GPR52: variants seen among roughly 807,000 people sequenced by gnomAD.
GPR52 encodes the protein G protein-coupled receptor 52.
GPR52 carries 8 observed loss-of-function variants against 24.0 expected under a neutral mutation model. The observed-to-expected ratio is 0.33, with a 90% CI of 0.20 to 0.60. The LOEUF (loss-of-function observed/expected upper bound fraction) is 0.60. GPR52 is among the 20% of genes least tolerant of loss of function. The probability of loss-of-function intolerance (pLI) is 0.82; values close to 1 mark genes in which losing one functional copy is unlikely to be tolerated. For synonymous variants in GPR52, 144 were observed against 158.1 expected (o/e 0.91, Z 0.67); for missense variants, 412 against 447.7 (o/e 0.92, Z 0.72).
Position 174,448,776 on chromosome 1 carries a change from C to T in GPR52, c.665C>T (p.Thr222Ile), listed in dbSNP as rs1209525011. ...YAPAAFVVCF[T>I]YFHIFKICRQ... Reference sequence around the variant, plus strand: ...CCTGCTGCCTTTGTTGTCTGCTTCACTTACTTCCACATTTTCAAAATTTGC... The same window carrying T: ...CCTGCTGCCTTTGTTGTCTGCTTCATTTACTTCCACATTTTCAAAATTTGC... Residue 222 changes from threonine (T) to isoleucine (I), a missense_variant, in exon 1 of 1, where the codon ACT (threonine) becomes ATT (isoleucine). Coordinates refer to ENST00000367685, the MANE Select transcript of GPR52 (RefSeq NM_005684.5). The surrounding 1 kb of genome is among the most constrained non-coding windows in gnomAD (Gnocchi z 4.2). 1 of 1,613,874 alleles carries T rather than the reference C, an allele frequency of 6.2e-7. No individual in the cohort carries two copies. The highest frequency in any genetic ancestry group is 8.5e-7 in the Non-Finnish European group (1 of 1,179,800).
Position 174,448,975 on chromosome 1 carries a change from A to G in GPR52, c.864A>G (p.Glu288=), listed in dbSNP as rs374756893. Residue 288 remains glutamate (E), a synonymous_variant, in exon 1 of 1, where the codon GAA becomes GAG. Transcript: ENST00000367685. This position sits in a 1 kb window ranked among gnomAD's most constrained non-coding sequence, Gnocchi z 4.2. The part of the protein sequence containing the change: ...WLPYIIYFLL[E]SSRVLDNPTL... ...CCTATATAATTTACTTTCTTCTAGA[A>G]AGCTCCCGGGTCTTGGACAATCCAA... The G allele has an allele frequency of 1.5e-5, 25 of 1,613,918 alleles. No homozygotes were observed. The African/African-American group carries it at 2.8e-4, about 18-fold the overall frequency.
Position 174,448,811 on chromosome 1 carries a change from A to G in GPR52, c.700A>G (p.Thr234Ala), listed in dbSNP as rs1359867167. The change falls in exon 1 of 1, where the codon ACC becomes GCC. Residue 234 changes from threonine (T) to alanine (A), a missense_variant. Coordinates refer to ENST00000367685, the MANE Select transcript of GPR52 (RefSeq NM_005684.5). This position sits in a 1 kb window ranked among gnomAD's most constrained non-coding sequence, Gnocchi z 4.2. ...FHIFKICRQH[T>A]KEINDRRARF... ...CATTTTCAAAATTTGCCGTCAGCAC[A>G]CCAAAGAGATAAATGACCGAAGAGC... The G allele has an allele frequency of 6.2e-7, 1 of 1,614,124 alleles. No homozygotes were observed. Among genetic ancestry groups the G allele is most frequent in the East Asian group, 2.2e-5 (1 of 44,878 alleles).
At position 174,448,492 on chromosome 1, in the gene GPR52, T is replaced by C; in HGVS notation, c.381T>C (p.Val127=). The C allele has an allele frequency of 3.7e-6, 6 of 1,613,838 alleles. No homozygotes were observed. Among genetic ancestry groups the C allele is most frequent in the Non-Finnish European group, 5.1e-6 (6 of 1,179,720 alleles). ...FGYIISVLKS[V]SMACLACISV... ...ATATCATCTCAGTTCTAAAAAGTGTTTCTATGGCATGTCTTGCTTGCATCA... is the reference window on the plus strand; with the variant it reads ...ATATCATCTCAGTTCTAAAAAGTGTCTCTATGGCATGTCTTGCTTGCATCA... Residue 127 remains valine (V), a synonymous_variant, in exon 1 of 1, where the codon GTT becomes GTC. Transcript: ENST00000367685. The surrounding 1 kb of genome is among the most constrained non-coding windows in gnomAD (Gnocchi z 4.2).
At position 174,449,114 on chromosome 1, in the gene GPR52, ATGTGCACATCC is replaced by A. The variant is rs749252222; in HGVS notation, c.1007_1017del (p.Cys336TyrfsTer14). 1.2e-6 allele frequency: 2 copies of A among 1,613,866 alleles called. No individual in the cohort carries two copies. Among genetic ancestry groups the A allele is most frequent in the African/African-American group, 2.7e-5 (2 of 75,034 alleles). On this transcript the variant is annotated frameshift_variant, in exon 1 of 1. Transcript: ENST00000367685. LOFTEE classifies it high-confidence loss of function. ...AGGCCTCCGAAGACTGTCTGAGACA[ATGTGCACATCC>A]TGTATGTGTGTGAAGGATCAGGAAG...
Position 174,448,188 on chromosome 1 carries a change from C to G in GPR52, c.77C>G (p.Ser26Cys). The G allele has an allele frequency of 6.2e-7, 1 of 1,613,800 alleles. No homozygotes were observed. Among genetic ancestry groups the G allele is most frequent in the African/African-American group, 1.3e-5 (1 of 75,020 alleles). ...SGIVNVSERH[S>C]CPLGFGHYSV... is the part of the protein sequence containing the mutation. ...ATTGTGAATGTGTCCGAGCGTCACT[C>G]CTGCCCACTTGGATTTGGCCACTAC... The change falls in exon 1 of 1, where the codon TCC (serine) becomes TGC (cysteine). Residue 26 changes from serine to cysteine, a missense_variant. By Grantham distance (112) the Ser-to-Cys change is moderately radical. Transcript: ENST00000367685. This position sits in a 1 kb window ranked among gnomAD's most constrained non-coding sequence, Gnocchi z 4.2.
chr1:174,448,556 T>A lies in GPR52; in HGVS notation c.445T>A (p.Tyr149Asn), dbSNP rs142536057. 2 of 1,613,450 alleles carry A rather than the reference T, an allele frequency of 1.2e-6. No individual in the cohort carries two copies. Among genetic ancestry groups the A allele is most frequent in the Admixed American group, 3.3e-5 (2 of 60,012 alleles). Residue 149 changes from tyrosine to asparagine, a missense_variant, in exon 1 of 1, where the codon TAC (tyrosine) becomes AAC (asparagine). Tyr to Asn is a moderately radical substitution (Grantham distance 143). Transcript: ENST00000367685. The surrounding 1 kb of genome is among the most constrained non-coding windows in gnomAD (Gnocchi z 4.2). ...RYLAITKPLS[Y>N]NQLVTPCRLR... is the part of the protein sequence containing the mutation. Reference sequence around the variant, plus strand: ...TCTTGCAATAACCAAGCCTCTTTCCTACAATCAACTGGTCACCCCTTGTCG... The same window carrying A: ...TCTTGCAATAACCAAGCCTCTTTCCAACAATCAACTGGTCACCCCTTGTCG...
In GPR52 at chr1:174,448,985, G is replaced by A. The variant is rs923764378; in HGVS notation, c.874G>A (p.Val292Ile). ...TTACTTTCTTCTAGAAAGCTCCCGG[G>A]TCTTGGACAATCCAACTCTGTCCTT... is the stretch of plus-strand genomic sequence containing the variant. ...IIYFLLESSRVLDNPTLSFLT... is the reference protein window; with the variant it reads ...IIYFLLESSRILDNPTLSFLT... Residue 292 changes from valine to isoleucine, a missense_variant, in exon 1 of 1, where the codon GTC (valine) becomes ATC (isoleucine). Val to Ile is a conservative substitution (Grantham distance 29). Transcript: ENST00000367685. This position sits in a 1 kb window ranked among gnomAD's most constrained non-coding sequence, Gnocchi z 4.2. 7 of 1,613,500 alleles carry A rather than the reference G, an allele frequency of 4.3e-6. No homozygotes were observed. The highest frequency in any genetic ancestry group is 5.1e-6 in the Non-Finnish European group (6 of 1,179,586).
chr1:174,449,174 C>A lies in GPR52; in HGVS notation c.1063C>A (p.Arg355=), dbSNP rs148373977. The A allele has an allele frequency of 1.2e-6, 2 of 1,601,774 alleles. No homozygotes were observed. Among genetic ancestry groups the A allele is most frequent in the Non-Finnish European group, 1.7e-6 (2 of 1,175,544 alleles). ...QEAQEPKPRK[R]ANSCSI ...AGCACAAGAACCCAAACCTAGGAAA[C>A]GGGCTAATTCTTGCTCCATTTGAAG... is the stretch of plus-strand genomic sequence containing the variant. The change falls in exon 1 of 1, where the codon CGG becomes AGG. Residue 355 remains arginine (R), a synonymous_variant. Coordinates refer to ENST00000367685, the MANE Select transcript of GPR52 (RefSeq NM_005684.5).
rs745625722 is a variant in GPR52, at chr1:174,449,221, TGTA to T, written c.*25_*27del. The T allele has an allele frequency of 2.0e-6, 3 of 1,527,446 alleles. No homozygotes were observed. The East Asian group carries it at 6.8e-5, about 35-fold the overall frequency. The allele number at this position is 1,527,446 out of a possible 1,614,324, so 94.6% of individuals were successfully genotyped here. A position where few individuals can be genotyped will look rare whatever the true frequency, so the allele number is the denominator to read the frequency against. ...GAAGAGAGCTACATAGTAAATCAAA[TGTA>T]ATCTGACAGTGGTTTTGGATCATAT... is the stretch of plus-strand genomic sequence containing the variant. On this transcript the variant is annotated 3_prime_UTR_variant, in exon 1 of 1. Transcript: ENST00000367685.
chr1:174,448,905 T>C lies in GPR52; in HGVS notation c.794T>C (p.Met265Thr). 3 of 1,613,756 alleles carry C rather than the reference T, an allele frequency of 1.9e-6. No homozygotes were observed. The highest frequency in any genetic ancestry group is 2.5e-6 in the Non-Finnish European group (3 of 1,179,618). The change falls in exon 1 of 1, where the codon ATG becomes ACG. Residue 265 changes from methionine (M) to threonine (T), a missense_variant. Physicochemically the swap from Met to Thr is moderately conservative, Grantham distance 81 (BLOSUM62 -1). Coordinates refer to ENST00000367685, the MANE Select transcript of GPR52 (RefSeq NM_005684.5). This position sits in a 1 kb window ranked among gnomAD's most constrained non-coding sequence, Gnocchi z 4.2. ...CACAGCCCTGACCGTCGCTACGCCA[T>C]GGTTTTGTTTAGGATAACCAGTGTA... Reference protein sequence around the residue: ...TGHSPDRRYAMVLFRITSVFY... With the variant: ...TGHSPDRRYATVLFRITSVFY...
Position 174,448,437 on chromosome 1 carries a change from A to G in GPR52, c.326A>G (p.His109Arg). 1 of 1,613,642 alleles carries G rather than the reference A, an allele frequency of 6.2e-7. No homozygotes were observed. Among genetic ancestry groups the G allele is most frequent in the Non-Finnish European group, 8.5e-7 (1 of 1,179,562 alleles). The change falls in exon 1 of 1, where the codon CAC becomes CGC. Residue 109 changes from histidine to arginine, a missense_variant. By Grantham distance (29) the His-to-Arg change is conservative. Transcript: ENST00000367685. This position sits in a 1 kb window ranked among gnomAD's most constrained non-coding sequence, Gnocchi z 4.2. Reference sequence around the variant, plus strand: ...CTTCTCCACTACTCCACAGGTGTCCACGAGTCATTGACTTGCCAGGTTTTT... The same window carrying G: ...CTTCTCCACTACTCCACAGGTGTCCGCGAGTCATTGACTTGCCAGGTTTTT... ...LSLLHYSTGVHESLTCQVFGY... is the reference protein window; with the variant it reads ...LSLLHYSTGVRESLTCQVFGY...
In GPR52 at chr1:174,448,622, C is replaced by G. The variant is rs1399977412; in HGVS notation, c.511C>G (p.Leu171Val). 1.2e-6 allele frequency: 2 copies of G among 1,613,908 alleles called. No individual in the cohort carries two copies. Among genetic ancestry groups the G allele is most frequent in the East Asian group, 2.2e-5 (1 of 44,876 alleles). ...CIILIWIYSC[L>V]IFLPSFFGWG... ...TATTTTGATCTGGATCTACTCCTGC[C>G]TAATTTTCTTGCCTTCCTTTTTTGG... The change falls in exon 1 of 1, where the codon CTA becomes GTA. Residue 171 changes from leucine (L) to valine (V), a missense_variant. Coordinates refer to ENST00000367685, the MANE Select transcript of GPR52 (RefSeq NM_005684.5). The surrounding 1 kb of genome is among the most constrained non-coding windows in gnomAD (Gnocchi z 4.2).
rs1396453131 is a variant in GPR52, at chr1:174,448,844, C to T, written c.733C>T (p.Pro245Ser). The change falls in exon 1 of 1, where the codon CCT (proline) becomes TCT (serine). Residue 245 changes from proline (P) to serine (S), a missense_variant. Coordinates refer to ENST00000367685, the MANE Select transcript of GPR52 (RefSeq NM_005684.5). This position sits in a 1 kb window ranked among gnomAD's most constrained non-coding sequence, Gnocchi z 4.2. ...KEINDRRARF[P>S]SHEVDSSRET... ...GATAAATGACCGAAGAGCCCGATTC[C>T]CTAGTCATGAGGTAGATTCTTCCAG... 2.5e-6 allele frequency: 4 copies of T among 1,613,994 alleles called. No individual in the cohort carries two copies. The highest frequency in any genetic ancestry group is 2.7e-5 in the African/African-American group (2 of 74,924).
Position 174,448,225 on chromosome 1 carries a change from T to C in GPR52, c.114T>C (p.Asp38=), listed in dbSNP as rs1398742867. The part of the protein sequence containing the change: ...PLGFGHYSVV[D]VCIFETVVIV... ...GATTTGGCCACTACAGTGTGGTGGA[T>C]GTCTGCATCTTCGAGACAGTGGTTA... The change falls in exon 1 of 1, where the codon GAT becomes GAC. Residue 38 remains aspartate (D), a synonymous_variant. Coordinates refer to ENST00000367685, the MANE Select transcript of GPR52 (RefSeq NM_005684.5). The surrounding 1 kb of genome is among the most constrained non-coding windows in gnomAD (Gnocchi z 4.2). 6.2e-7 allele frequency: 1 copy of C among 1,614,100 alleles called. No homozygotes were observed. Among genetic ancestry groups the C allele is most frequent in the Non-Finnish European group, 8.5e-7 (1 of 1,179,960 alleles).
Position 174,448,574 on chromosome 1 carries a change from C to G in GPR52, c.463C>G (p.Pro155Ala). The change falls in exon 1 of 1, where the codon CCT (proline) becomes GCT (alanine). Residue 155 changes from proline to alanine, a missense_variant. Physicochemically the swap from Pro to Ala is conservative, Grantham distance 27. Transcript: ENST00000367685. The surrounding 1 kb of genome is among the most constrained non-coding windows in gnomAD (Gnocchi z 4.2). ...KPLSYNQLVT[P>A]CRLRICIILI... ...TCTTTCCTACAATCAACTGGTCACC[C>G]CTTGTCGCTTGAGAATTTGCATTAT... The G allele has an allele frequency of 2.5e-6, 4 of 1,613,826 alleles. No individual in the cohort carries two copies. Among genetic ancestry groups the G allele is most frequent in the Non-Finnish European group, 3.4e-6 (4 of 1,179,764 alleles).
In GPR52 at chr1:174,448,598, A is replaced by T. The variant is rs757604598; in HGVS notation, c.487A>T (p.Ile163Phe). 1 of 1,613,952 alleles carries T rather than the reference A, an allele frequency of 6.2e-7. No homozygotes were observed. The highest frequency in any genetic ancestry group is 1.1e-5 in the South Asian group (1 of 91,068). The change falls in exon 1 of 1, where the codon ATT (isoleucine) becomes TTT (phenylalanine). Residue 163 changes from isoleucine to phenylalanine, a missense_variant. Transcript: ENST00000367685. This position sits in a 1 kb window ranked among gnomAD's most constrained non-coding sequence, Gnocchi z 4.2. Reference sequence around the variant, plus strand: ...CCCTTGTCGCTTGAGAATTTGCATTATTTTGATCTGGATCTACTCCTGCCT... The same window carrying T: ...CCCTTGTCGCTTGAGAATTTGCATTTTTTTGATCTGGATCTACTCCTGCCT... The part of the protein sequence containing the change: ...VTPCRLRICI[I>F]LIWIYSCLIF...
chr1:174,448,759 C>A lies in GPR52; in HGVS notation c.648C>A (p.Ala216=). The A allele has an allele frequency of 6.2e-7, 1 of 1,613,864 alleles. No homozygotes were observed. Among genetic ancestry groups the A allele is most frequent in the South Asian group, 1.1e-5 (1 of 91,084 alleles). ...TTTGTTTACTTTATGCTCCTGCTGC[C>A]TTTGTTGTCTGCTTCACTTACTTCC... The part of the protein sequence containing the change: ...FIVCLLYAPA[A]FVVCFTYFHI... Residue 216 remains alanine (A), a synonymous_variant, in exon 1 of 1, where the codon GCC becomes GCA. Transcript: ENST00000367685. This position sits in a 1 kb window ranked among gnomAD's most constrained non-coding sequence, Gnocchi z 4.2.
In GPR52 at chr1:174,448,031, C is replaced by G. The variant is rs1031403553; in HGVS notation, c.-81C>G. 2 of 1,184,048 alleles carry G rather than the reference C, an allele frequency of 1.7e-6. No individual in the cohort carries two copies. The highest frequency in any genetic ancestry group is 3.0e-5 in the African/African-American group (2 of 65,594). 73.3% of individuals were successfully genotyped at this position (1,184,048 alleles called of 1,614,324 possible). ...CTACTGAAGCAGGTTCTGAAACACT[C>G]ATGTGCGGTGTTTAACAGATGCTGG... On this transcript the variant is annotated 5_prime_UTR_variant, in exon 1 of 1. Coordinates refer to ENST00000367685, the MANE Select transcript of GPR52 (RefSeq NM_005684.5). The surrounding 1 kb of genome is among the most constrained non-coding windows in gnomAD (Gnocchi z 4.2).
Position 174,448,034 on chromosome 1 carries a change from G to A in GPR52, c.-78G>A. On this transcript the variant is annotated 5_prime_UTR_variant, in exon 1 of 1. It adds an upstream start codon to the 5' untranslated region. Transcript: ENST00000367685. The surrounding 1 kb of genome is among the most constrained non-coding windows in gnomAD (Gnocchi z 4.2). ...CTGAAGCAGGTTCTGAAACACTCAT[G>A]TGCGGTGTTTAACAGATGCTGGGCA... 1.7e-6 allele frequency: 2 copies of A among 1,209,182 alleles called. No homozygotes were observed. Among genetic ancestry groups the A allele is most frequent in the East Asian group, 2.3e-5 (1 of 42,898 alleles). The allele number at this position is 1,209,182 out of a possible 1,614,324, so 74.9% of individuals were successfully genotyped here.
Sources: allele counts gnomAD v4.1 joint callset, GRCh38; gene constraint gnomAD v4.1.1; non-coding constraint Gnocchi (gnomAD v3.1); transcripts MANE v1.5; gene names NCBI Gene and HGNC (gene_info 2026-07-23, HGNC 2026-07-21).